PALM2AKAP2: variants seen among roughly 807,000 people sequenced by gnomAD.
The protein encoded by PALM2AKAP2 is PALM2 and AKAP2 fusion, also known as PALM2-AKAP2 fusion protein.
In PALM2AKAP2, 37 loss-of-function variants were observed where a neutral mutation model predicts 71.5. The ratio of observed to expected loss-of-function variants is 0.52; its 90% confidence interval spans 0.40 to 0.68. The LOEUF (loss-of-function observed/expected upper bound fraction) is 0.68. Among genes scored for constraint, PALM2AKAP2 ranks in the 30% least tolerant of loss-of-function variants. The pLI, the probability that PALM2AKAP2 is intolerant of heterozygous loss-of-function variation, is 0.00. For synonymous variants in PALM2AKAP2, 468 were observed against 478.8 expected, an observed-to-expected ratio of 0.98 and a Z score of 0.29; for missense variants, 1,224 against 1,191.8, an observed-to-expected ratio of 1.03 and a Z score of -0.40.
At chr9:109,956,376 T>G (rs1302137262) in intron 6 of PALM2AKAP2, among the ~76,000 whole-genome samples, 3 of 152,304 alleles carry the variant, frequency 2.0e-5, no homozygotes, top group South Asian at 2.1e-4. Flanking sequence ...CACTGAATAT[T>G]AAAAACACGA....
At chr9:110,138,198 G>A in exon 2 of PALM2AKAP2, 2 of 1,613,772 alleles carry the variant, frequency 1.2e-6, no homozygotes, top group Non-Finnish European at 1.7e-6. Context: ...CTCAGGGAAA[G>A]GGGGCCCCCC....
chr9:109,691,911 C>CAT (rs1228934218), intron 1 of PALM2AKAP2, among the ~76,000 whole-genome samples: 73 of 60,058 alleles, frequency 1.2e-3, no homozygotes, highest in Non-Finnish European at 2.1e-3. Flanking sequence ...TACACACACA[C>CAT]ATATATATAT....
At chr9:109,854,763 CTTTTT>C (rs34401582) in intron 1 of PALM2AKAP2, among the ~76,000 whole-genome samples, 4 of 66,156 alleles carry the variant, frequency 6.0e-5, no homozygotes, top group Non-Finnish European at 1.1e-4. Context: ...AAGAATGTAT[CTTTTT>C]TTTTTTTTTT....
chr9:109,815,849 G>C (rs1827838842), intron 1 of PALM2AKAP2, among the ~76,000 whole-genome samples: 1 of 152,136 alleles, frequency 6.6e-6, no homozygotes, highest in African/African-American at 2.4e-5. Context: ...GTTTTAAGAA[G>C]AGGAAGTCTA....
intron 6 of PALM2AKAP2, among the ~76,000 whole-genome samples, chr9:109,956,243 G>A (rs963807921): frequency 6.6e-6 from 1 of 152,088 alleles, no homozygotes; most frequent in Non-Finnish European, 1.5e-5. Flanking sequence ...GACCTCAGGT[G>A]ATCTGACTGC....
intron 1 of PALM2AKAP2, among the ~76,000 whole-genome samples, chr9:109,734,515 T>C (rs942582544): frequency 5.9e-5 from 9 of 152,240 alleles, no homozygotes; most frequent in Non-Finnish European, 8.8e-5. Flanking sequence ...GTCTACCACA[T>C]TGATGTAATA....
chr9:109,750,775 G>A (rs942841223), intron 1 of PALM2AKAP2, among the ~76,000 whole-genome samples: 8 of 152,140 alleles, frequency 5.3e-5, no homozygotes, highest in African/African-American at 1.9e-4. Context: ...TTTTTAAAAT[G>A]TTGGCAATCA....
chr9:109,747,710 C>T (rs939158411), intron 1 of PALM2AKAP2, among the ~76,000 whole-genome samples: 2 of 152,020 alleles, frequency 1.3e-5, no homozygotes, highest in Non-Finnish European at 2.9e-5. Flanking sequence ...CACTCTGTCA[C>T]CCAGGTTGGA....
At chr9:109,957,926 C>T (rs1021920603) in intron 6 of PALM2AKAP2, among the ~76,000 whole-genome samples, 1 of 152,158 alleles carries the variant, frequency 6.6e-6, no homozygotes, top group Non-Finnish European at 1.5e-5. Flanking sequence ...CTCAATTCTG[C>T]AAGCCAAGAA....
chr9:110,144,435 TATA>T (rs1836112089), intron 2 of PALM2AKAP2, among the ~76,000 whole-genome samples: 1 of 152,264 alleles, frequency 6.6e-6, no homozygotes, highest in African/African-American at 2.4e-5. Context: ...TAAAGCTGCA[TATA>T]ATACTAGTTA....
upstream of PALM2AKAP2, among the ~76,000 whole-genome samples, chr9:109,776,062 A>G (rs768325282): frequency 1.3e-5 from 2 of 152,206 alleles, no homozygotes; most frequent in East Asian, 1.9e-4. Flanking sequence ...CAGATTTTAA[A>G]TGTTTGGAGG....
intron 1 of PALM2AKAP2, among the ~76,000 whole-genome samples, chr9:109,839,498 C>T (rs1460982150): frequency 6.6e-6 from 1 of 152,184 alleles, no homozygotes; most frequent in African/African-American, 2.4e-5. Flanking sequence ...CCCTCTCTCA[C>T]CACTCCTATT....
intron 1 of PALM2AKAP2, among the ~76,000 whole-genome samples, chr9:109,706,638 CAA>C (rs1276772582): frequency 2.0e-5 from 3 of 151,850 alleles, no homozygotes; most frequent in African/African-American, 7.3e-5. Flanking sequence ...CCATAATTGC[CAA>C]AAAAGTAGAA....
At chr9:109,777,052 A>G (rs934251105), upstream of PALM2AKAP2, among the ~76,000 whole-genome samples, 3 of 152,156 alleles carry the variant, frequency 2.0e-5, no homozygotes, top group Non-Finnish European at 4.4e-5. Context: ...CTGATTAGGA[A>G]CCATGTTTTA....
chr9:110,137,033 A>C lies in PALM2AKAP2; in HGVS notation c.1063A>C (p.Lys355Gln), dbSNP rs898269476. Residue 355 changes from lysine (K) to glutamine (Q), a missense_variant, in exon 2 of 4, where the codon AAG becomes CAG. Physicochemically the swap from Lys to Gln is moderately conservative, Grantham distance 53. Coordinates refer to ENST00000374525, the Ensembl canonical transcript of PALM2AKAP2. ...ACATCTGGAGTCGCACAAAAAGTACAAGGAGCGCAAAGAGAGAAGGGCACA... is the reference window on the plus strand; with the variant it reads ...ACATCTGGAGTCGCACAAAAAGTACCAGGAGCGCAAAGAGAGAAGGGCACA... 5.0e-6 allele frequency: 8 copies of C among 1,614,124 alleles called. No individual in the cohort carries two copies. In the Admixed American group the frequency reaches 1.0e-4, roughly 20 times the overall value.
chr9:109,811,304 G>A (rs1342336946), intron 1 of PALM2AKAP2, among the ~76,000 whole-genome samples: 1 of 152,152 alleles, frequency 6.6e-6, no homozygotes, highest in Non-Finnish European at 1.5e-5. Context: ...TGAGGGTGTG[G>A]ACTGTGGGTA....
intron 6 of PALM2AKAP2, among the ~76,000 whole-genome samples, chr9:109,964,284 A>G (rs2132127123): frequency 6.6e-6 from 1 of 152,322 alleles, no homozygotes; most frequent in African/African-American, 2.4e-5. Flanking sequence ...GCTTACAGGA[A>G]TGAGAGGTTT....
chr9:109,780,558 C>T (rs1209722906), intron 1 of PALM2AKAP2, 25 bp downstream of exon 1: 1 of 1,613,202 alleles, frequency 6.2e-7, no homozygotes, highest in Non-Finnish European at 8.5e-7. Context: ...ATTTTATTTT[C>T]TTGCTCTATT....
intron 1 of PALM2AKAP2, among the ~76,000 whole-genome samples, chr9:110,111,116 G>A (rs1262855011): frequency 9.8e-6 from 1 of 102,522 alleles, no homozygotes; most frequent in African/African-American, 3.7e-5. Flanking sequence ...TTTTGAGACG[G>A]AGTCTTGCTC....
Sources: gnomAD v4.1 joint callset for allele counts (sites outside exome capture counted in the v4.1 genomes callset) on GRCh38, gnomAD v4.1.1 for gene constraint, MANE v1.5 for transcripts, NCBI Gene and HGNC (gene_info 2026-07-23, HGNC 2026-07-21) for gene names.